The following MARS1 variants were observed in gnomAD, a reference collection of about 807,000 sequenced individuals.
MARS1 encodes the protein methionine--tRNA ligase, cytoplasmic.
In MARS1, 80 loss-of-function variants were observed where a neutral mutation model predicts 119.5. The observed-to-expected ratio is 0.67, with a 90% CI of 0.56 to 0.81. The LOEUF (loss-of-function observed/expected upper bound fraction) is 0.81, where lower values mean the gene tolerates loss of function less well. Among genes scored for constraint, MARS1 ranks in the 30% least tolerant of loss-of-function variants. MARS1 has a pLI of 0.00. For synonymous variants in MARS1, 418 were observed against 433.4 expected, an observed-to-expected ratio of 0.96 and a Z score of 0.44; for missense variants, 945 against 1,116.5, an observed-to-expected ratio of 0.85 and a Z score of 2.19.
Position 57,498,568 on chromosome 12 carries a change from T to A in MARS1, c.1036T>A (p.Trp346Arg), listed in dbSNP as rs1338457940. 2 of 1,614,096 alleles carry A rather than the reference T, an allele frequency of 1.2e-6. No individual in the cohort carries two copies. The highest frequency in any genetic ancestry group is 2.7e-5 in the African/African-American group (2 of 74,926). The change falls in exon 9 of 21, where the codon TGG (tryptophan) becomes AGG (arginine). Residue 346 changes from tryptophan to arginine, a missense_variant. Coordinates refer to ENST00000262027, the MANE Select transcript of MARS1 (RefSeq NM_004990.4). Reference protein sequence around the residue: ...YHIIHADIYRWFNISFDIFGR... With the variant: ...YHIIHADIYRRFNISFDIFGR... ...CATCATCCATGCTGACATCTACCGC[T>A]GGTTTAACATTTCGTTTGATATTTT...
Position 57,489,925 on chromosome 12 carries a change from G to A in MARS1, c.444G>A (p.Leu148=). The change falls in exon 5 of 21, where the codon TTG becomes TTA. Residue 148 remains leucine (L), a synonymous_variant. Transcript: ENST00000262027. ...GETESLADIV[L]WGALYPLLQD... ...CAGAATCTCTAGCCGACATTGTTTT[G>A]TGGGGAGCCCTATACCCATTACTGC... 6.2e-7 allele frequency: 1 copy of A among 1,614,052 alleles called. No individual in the cohort carries two copies. Among genetic ancestry groups the A allele is most frequent in the South Asian group, 1.1e-5 (1 of 91,090 alleles).
chr12:57,514,884 G>C (rs1431716265), intron 16 of MARS1, 33 bp downstream of exon 16: 2 of 1,613,198 alleles, frequency 1.2e-6, no homozygotes, highest in Non-Finnish European at 1.7e-6. Flanking sequence ...TTTTCTGCTG[G>C]CATGTTGAGA....
At chr12:57,504,839 G>C (rs1877106423) in intron 11 of MARS1, among the ~76,000 whole-genome samples, 1 of 151,806 alleles carries the variant, frequency 6.6e-6, no homozygotes, top group Non-Finnish European at 1.5e-5. Flanking sequence ...GAATAGCTGG[G>C]ATTACAGGCG....
chr12:57,503,111 C>T (rs887935279), intron 10 of MARS1, among the ~76,000 whole-genome samples: 78 of 152,130 alleles, frequency 5.1e-4, no homozygotes, highest in Admixed American at 5.1e-3. Context: ...ACAAAAAACT[C>T]GAAAGTTTTC....
At chr12:57,499,006 G>A (rs551834007) in intron 9 of MARS1, among the ~76,000 whole-genome samples, 7 of 152,106 alleles carry the variant, frequency 4.6e-5, no homozygotes, top group South Asian at 2.1e-4. Context: ...TTGCATAGCC[G>A]GGTGCAGTGG....
intron 10 of MARS1, among the ~76,000 whole-genome samples, chr12:57,502,213 G>GCTA (rs767445317): frequency 2.0e-5 from 3 of 152,122 alleles, no homozygotes; most frequent in Non-Finnish European, 4.4e-5. Context: ...CTGAGTAGAT[G>GCTA]GTAGTACCAT....
rs1876222578 is a variant in MARS1 at position 57,493,548 on chromosome 12, ATATATAATATATAATATAT to A, written c.770+2909_770+2927del. Among the ~76,000 whole-genome samples the A allele has an allele frequency of 1.1e-3, 3 of 2,734 alleles. 1 individual carries two copies. The highest frequency in any genetic ancestry group is 0.024 in the South Asian group (2 of 84). 1.8% of individuals were successfully genotyped at this position (2,734 alleles called of 152,430 possible). ...ATATTATAATATATAATATATTATAATATATAATATATAATATATTATAATATATAATATATAATATATT... is the reference window on the plus strand; with the variant it reads ...ATATTATAATATATAATATATTATAATATAATATATAATATATAATATATT... On this transcript the variant is annotated intron_variant, in intron 7 of 20. Transcript: ENST00000262027.
At chr12:57,510,509 A>T (rs562561427) in intron 11 of MARS1, among the ~76,000 whole-genome samples, 1 of 148,960 alleles carries the variant, frequency 6.7e-6, no homozygotes, top group African/African-American at 2.5e-5. Flanking sequence ...GCTGGTTTAC[A>T]CCTGTAATCC....
chr12:57,492,826 A>G (rs2672571), intron 7 of MARS1, among the ~76,000 whole-genome samples: 27,643 of 151,936 alleles, frequency 0.18, 2,776 homozygotes, highest in East Asian at 0.29. Context: ...AAGACCTGAG[A>G]AGCAAGAGAG....
At chr12:57,499,238 C>T (rs1321510907) in intron 9 of MARS1, among the ~76,000 whole-genome samples, 1 of 134,736 alleles carries the variant, frequency 7.4e-6, no homozygotes, top group African/African-American at 2.8e-5. Context: ...GAGCCAAGAT[C>T]ATGCCATTGT....
rs1876358666 is a variant in MARS1 at position 57,493,796 on chromosome 12, TTATATTA to T, written c.770+3157_770+3163del. On this transcript the variant is annotated intron_variant, in intron 7 of 20. Coordinates refer to ENST00000262027, the MANE Select transcript of MARS1 (RefSeq NM_004990.4). ...TATAATATATATTATATATTATATA[TTATATTA>T]TATAATGTATATTATATATATTATA... Among the ~76,000 whole-genome samples the T allele has an allele frequency of 1.5e-3, 2 of 1,296 alleles. 1 individual carries two copies. Among genetic ancestry groups the T allele is most frequent in the African/African-American group, 3.8e-3 (2 of 528 alleles). 0.9% of individuals were successfully genotyped at this position (1,296 alleles called of 152,430 possible).
chr12:57,490,412 G>GT, intron 6 of MARS1, 33 bp downstream of exon 6: 1 of 1,611,082 alleles, frequency 6.2e-7, no homozygotes, highest in Non-Finnish European at 8.5e-7. Context: ...GGGGCCTGAG[G>GT]TGGGAGGTGG....
Position 57,514,802 on chromosome 12 carries a change from C to T in MARS1, c.2050C>T (p.His684Tyr). ...CCCTGATGATCAGCGCCTGCTGGCC[C>T]ATGTCACCCTGGAGCTCCAGCACTA... ...LTPDDQRLLA[H>Y]VTLELQHYHQ... The change falls in exon 16 of 21, where the codon CAT becomes TAT. Residue 684 changes from histidine (H) to tyrosine (Y), a missense_variant. Physicochemically the swap from His to Tyr is moderately conservative, Grantham distance 83. Transcript: ENST00000262027. The T allele has an allele frequency of 1.9e-6, 3 of 1,614,200 alleles. No individual in the cohort carries two copies. The highest frequency in any genetic ancestry group is 2.5e-6 in the Non-Finnish European group (3 of 1,180,048).
chr12:57,490,544 G>C lies in MARS1; in HGVS notation c.670G>C (p.Glu224Gln). Reference sequence around the variant, plus strand: ...TTCTCTCCACTCTTTATAGGAGGAGGAGCTGGCTACCCTATCTGAGGAGGA... The same window carrying C: ...TTCTCTCCACTCTTTATAGGAGGAGCAGCTGGCTACCCTATCTGAGGAGGA... Reference protein sequence around the residue: ...RAVTNEPEEEELATLSEEEIA... With the variant: ...RAVTNEPEEEQLATLSEEEIA... The change falls in exon 7 of 21, where the codon GAG becomes CAG. Residue 224 changes from glutamate to glutamine, a missense_variant. Coordinates refer to ENST00000262027, the MANE Select transcript of MARS1 (RefSeq NM_004990.4). 6.2e-7 allele frequency: 1 copy of C among 1,614,132 alleles called. No homozygotes were observed. The highest frequency in any genetic ancestry group is 1.1e-5 in the South Asian group (1 of 91,086).
At position 57,516,510 on chromosome 12, in the gene MARS1, G is replaced by C. The variant is rs1877843785; in HGVS notation, c.2632G>C (p.Asp878His). The C allele has an allele frequency of 1.2e-6, 2 of 1,613,338 alleles. No individual in the cohort carries two copies. The highest frequency in any genetic ancestry group is 1.7e-6 in the Non-Finnish European group (2 of 1,179,776). ...EVAAEVAKLL[D>H]LKKQLAVAEG... ...TGCTGCGGAGGTGGCGAAACTCTTGGATCTAAAGAAACAGTTGGCTGTAGC... is the reference window on the plus strand; with the variant it reads ...TGCTGCGGAGGTGGCGAAACTCTTGCATCTAAAGAAACAGTTGGCTGTAGC... The change falls in exon 21 of 21, where the codon GAT (aspartate) becomes CAT (histidine). Residue 878 changes from aspartate (D) to histidine (H), a missense_variant. By Grantham distance (81) the Asp-to-His change is moderately conservative. Coordinates refer to ENST00000262027, the MANE Select transcript of MARS1 (RefSeq NM_004990.4).
chr12:57,493,411 A>AT (rs1555166062), intron 7 of MARS1, among the ~76,000 whole-genome samples: 1 of 15,250 alleles, frequency 6.6e-5, no homozygotes, highest in African/African-American at 3.2e-4. Context: ...TATGTTATAT[A>AT]ATATATTATA....
chr12:57,504,482 C>T (rs560354979), intron 11 of MARS1, among the ~76,000 whole-genome samples, 183 bp downstream of exon 11: 5 of 152,156 alleles, frequency 3.3e-5, no homozygotes, highest in East Asian at 1.9e-4. Context: ...GGCCCACTTG[C>T]GAGAGGTATT....
Position 57,488,147 on chromosome 12 carries a change from C to G in MARS1, c.57C>G (p.Ala19=). ...GTTGCTTGCCGGTGCTGGCCGCCGC[C>G]GGGAGAGCCCGGGGCAGAGCAGAGG... The part of the protein sequence containing the change: ...VPGCLPVLAA[A]GRARGRAEVL... The change falls in exon 1 of 21, where the codon GCC becomes GCG. Residue 19 remains alanine, a synonymous_variant. Transcript: ENST00000262027. The G allele has an allele frequency of 6.2e-7, 1 of 1,614,106 alleles. No homozygotes were observed. Among genetic ancestry groups the G allele is most frequent in the Non-Finnish European group, 8.5e-7 (1 of 1,180,018 alleles).
intron 11 of MARS1, among the ~76,000 whole-genome samples, chr12:57,508,532 G>A (rs1302393303): frequency 6.6e-6 from 1 of 152,262 alleles, no homozygotes. Flanking sequence ...GTGGCGGCAC[G>A]CGCCCGCAAT....
Sources: allele counts gnomAD v4.1 joint callset (sites outside exome capture counted in the v4.1 genomes callset), GRCh38; gene constraint gnomAD v4.1.1; transcripts MANE v1.5; gene names NCBI Gene and HGNC (gene_info 2026-07-23, HGNC 2026-07-21).